The following ZBTB7C variants were observed in gnomAD, a reference collection of about 807,000 sequenced individuals.
The protein encoded by ZBTB7C is zinc finger and BTB domain-containing protein 7C.
A neutral mutation model predicts 25.7 loss-of-function variants in ZBTB7C; 8 were observed. The observed-to-expected ratio is 0.31, with a 90% CI of 0.18 to 0.56. ZBTB7C has a LOEUF of 0.56. Ranked by LOEUF, ZBTB7C falls within the 20% of genes least tolerant of loss-of-function variation. The pLI is 0.91. For missense variants in ZBTB7C, 824 were observed against 855.2 expected (o/e 0.96, Z 0.46); for synonymous variants, 394 against 369.0 (o/e 1.07, Z -0.78).
chr18:48,066,168 C>G (rs1466188715), intron 3 of ZBTB7C, among the ~76,000 whole-genome samples: 2 of 152,228 alleles, frequency 1.3e-5, no homozygotes, highest in Non-Finnish European at 2.9e-5. Flanking sequence ...TGCTGGCATC[C>G]CTGGGGACTG....
At chr18:48,124,789 A>G (rs2039746508) in intron 3 of ZBTB7C, among the ~76,000 whole-genome samples, 1 of 152,216 alleles carries the variant, frequency 6.6e-6, no homozygotes, top group Non-Finnish European at 1.5e-5. Flanking sequence ...GAAAGCAAGG[A>G]CAGCTTTTGG....
At chr18:48,191,828 C>T (rs1429648732) in intron 2 of ZBTB7C, among the ~76,000 whole-genome samples, 4 of 152,178 alleles carry the variant, frequency 2.6e-5, no homozygotes, top group African/African-American at 9.7e-5. Flanking sequence ...ATCTCCAATA[C>T]TAAAATCAAC....
At chr18:48,283,657 T>C (rs534904349) in intron 2 of ZBTB7C, among the ~76,000 whole-genome samples, 2 of 152,340 alleles carry the variant, frequency 1.3e-5, no homozygotes, top group South Asian at 4.1e-4. Context: ...TACATGAATT[T>C]GAGTCTCAGT....
rs561765324 is a variant in ZBTB7C, at chr18:48,168,657, AGG to A, written c.-17+17275_-17+17276del. 4.6e-5 allele frequency among the ~76,000 whole-genome samples: 7 copies of A among 152,346 alleles called. No homozygotes were observed. The South Asian group carries it at 1.4e-3, about 32-fold the overall frequency. ...TAGGGGAAGGCAGATCTTGTAGGTA[AGG>A]GACACTAGATTAAAGAGCTAGAGGA... On this transcript the variant is annotated intron_variant, in intron 3 of 4. Transcript: ENST00000590800.
At chr18:48,142,179 T>C (rs2040369138) in intron 3 of ZBTB7C, among the ~76,000 whole-genome samples, 1 of 152,234 alleles carries the variant, frequency 6.6e-6, no homozygotes, top group Non-Finnish European at 1.5e-5. Context: ...ATCAAACTCC[T>C]CCACTTCTTC....
At chr18:48,362,719 G>A (rs1188902726) in intron 1 of ZBTB7C, among the ~76,000 whole-genome samples, 2 of 120,808 alleles carry the variant, frequency 1.7e-5, no homozygotes, top group Admixed American at 1.7e-4. Context: ...AAAACAAGAC[G>A]CATGGGTTAG....
intron 1 of ZBTB7C, among the ~76,000 whole-genome samples, chr18:48,354,697 A>T (rs1371812673): frequency 6.6e-6 from 1 of 152,156 alleles, no homozygotes; most frequent in Admixed American, 6.5e-5. Flanking sequence ...CTGGCAGCAA[A>T]TCCAACAGCA....
At chr18:48,341,033 A>G (rs2144971772) in intron 1 of ZBTB7C, among the ~76,000 whole-genome samples, 1 of 152,218 alleles carries the variant, frequency 6.6e-6, no homozygotes, top group Admixed American at 6.5e-5. Context: ...CTTCAGTACC[A>G]CAGTGCCACC....
intron 3 of ZBTB7C, among the ~76,000 whole-genome samples, chr18:48,122,668 G>A (rs1297434179): frequency 6.6e-6 from 1 of 152,206 alleles, no homozygotes; most frequent in Non-Finnish European, 1.5e-5. Context: ...GCAGCAAAAT[G>A]CAAGGGTTGG....
chr18:48,306,350 C>T (rs527523821), intron 2 of ZBTB7C, among the ~76,000 whole-genome samples: 1 of 152,288 alleles, frequency 6.6e-6, no homozygotes, highest in South Asian at 2.1e-4. Context: ...TTCTGTTTTG[C>T]TACCTTTTGT....
chr18:48,174,137 T>G (rs1356612519), intron 3 of ZBTB7C, among the ~76,000 whole-genome samples: 1 of 152,240 alleles, frequency 6.6e-6, no homozygotes, highest in Non-Finnish European at 1.5e-5. Context: ...CAAATTTATA[T>G]GGCAAATCCC....
chr18:48,205,783 G>T (rs568644744), intron 2 of ZBTB7C, among the ~76,000 whole-genome samples: 2 of 152,182 alleles, frequency 1.3e-5, no homozygotes, highest in East Asian at 3.9e-4. Flanking sequence ...TACTTAGCAA[G>T]GCAGGGGAAA....
At chr18:48,402,724 ATG>A (rs2048188589) in intron 1 of ZBTB7C, among the ~76,000 whole-genome samples, 1 of 152,062 alleles carries the variant, frequency 6.6e-6, no homozygotes, top group Non-Finnish European at 1.5e-5. Flanking sequence ...ATTATATTTT[ATG>A]TGTGTGTTTA....
intron 2 of ZBTB7C, among the ~76,000 whole-genome samples, chr18:48,294,103 C>T (rs79035950): frequency 0.024 from 3,709 of 152,300 alleles, 83 homozygotes; most frequent in African/African-American, 0.05. Context: ...AAGCTGCTGG[C>T]GTGGTTCAGC....
At chr18:48,239,884 A>C (rs1360202828) in intron 2 of ZBTB7C, among the ~76,000 whole-genome samples, 1 of 152,222 alleles carries the variant, frequency 6.6e-6, no homozygotes, top group Non-Finnish European at 1.5e-5. Flanking sequence ...AATTTCCAAA[A>C]AAAGAATACA....
At chr18:48,268,339 G>T (rs1358271098) in intron 2 of ZBTB7C, among the ~76,000 whole-genome samples, 1 of 152,238 alleles carries the variant, frequency 6.6e-6, no homozygotes, top group South Asian at 2.1e-4. Flanking sequence ...TGTCACATTA[G>T]GGGAGAGAGA....
chr18:48,263,441 C>G (rs375187221), intron 2 of ZBTB7C, among the ~76,000 whole-genome samples: 11 of 152,240 alleles, frequency 7.2e-5, no homozygotes, highest in African/African-American at 2.7e-4. Flanking sequence ...GTCCAGACAT[C>G]AGAGTTAAGG....
chr18:48,193,629 A>G (rs2042250978), intron 2 of ZBTB7C, among the ~76,000 whole-genome samples: 1 of 152,216 alleles, frequency 6.6e-6, no homozygotes, highest in Non-Finnish European at 1.5e-5. Context: ...AGCATATCTC[A>G]GAGATGACTC....
At chr18:48,410,779 C>T (rs1419537192), upstream of ZBTB7C, 1 of 152,270 alleles carries the variant, frequency 6.6e-6, no homozygotes, top group Non-Finnish European at 1.5e-5. Context: ...AGCGGGTCCT[C>T]TCCGGGGCTC....
Sources: allele counts gnomAD v4.1 joint callset (sites outside exome capture counted in the v4.1 genomes callset), GRCh38; gene constraint gnomAD v4.1.1; transcripts MANE v1.5; gene names NCBI Gene and HGNC (gene_info 2026-07-23, HGNC 2026-07-21).